The following ZFHX2 variants were observed in gnomAD, a reference collection of about 807,000 sequenced individuals.
ZFHX2 encodes zinc finger homeobox protein 2.
ZFHX2 carries 75 observed loss-of-function variants against 164.8 expected under a neutral mutation model. The ratio of observed to expected loss-of-function variants is 0.46; its 90% CI spans 0.38 to 0.55. ZFHX2 has a LOEUF of 0.55. Ranked by LOEUF, ZFHX2 falls within the 20% of genes least tolerant of loss-of-function variation. The pLI is 0.00. For synonymous variants in ZFHX2, 1,217 were observed against 1,351.4 expected, an observed-to-expected ratio of 0.90 and a Z score of 2.18; for missense variants, 2,933 against 3,308.0, an observed-to-expected ratio of 0.89 and a Z score of 2.78.
At chr14:23,548,785 C>T (rs1213859686) in intron 1 of ZFHX2, among the ~76,000 whole-genome samples, 1 of 152,216 alleles carries the variant, frequency 6.6e-6, no homozygotes, top group Non-Finnish European at 1.5e-5. Flanking sequence ...GCATTTCTCT[C>T]TTCTGGGGCT....
chr14:23,534,786 G>C lies in ZFHX2; in HGVS notation c.540C>G (p.Gly180=). The change falls in exon 2 of 10, where the codon GGC becomes GGG. Residue 180 remains glycine (G), a synonymous_variant. Transcript: ENST00000419474. This position sits in a 1 kb window ranked among gnomAD's most constrained non-coding sequence, Gnocchi z 4.5. ...HIQHGFDPIQ[G]FSSSDQILSH... is the part of the protein sequence containing the mutation. Reference sequence around the variant, plus strand: ...ACAGAATTTGGTCAGAAGAGCTAAAGCCTTGGATTGGGTCAAAGCCATGTT... The same window carrying C: ...ACAGAATTTGGTCAGAAGAGCTAAACCCTTGGATTGGGTCAAAGCCATGTT... 1 of 1,536,224 alleles carries C rather than the reference G, an allele frequency of 6.5e-7. No individual in the cohort carries two copies. Among genetic ancestry groups the C allele is most frequent in the Non-Finnish European group, 8.7e-7 (1 of 1,146,910 alleles).
At position 23,535,026 on chromosome 14, in the gene ZFHX2, C is replaced by T; in HGVS notation, c.300G>A (p.Glu100=). The stretch of plus-strand genomic sequence containing the variant: ...CCATGGGAGGGAGCCCTTCTTCTTC[C>T]TCCTCCTGCTCCTTGTCCTTTTCCA... ...PGVEKDKEQE[E]EEEGLPPMDL... is the part of the protein sequence containing the mutation. The change falls in exon 2 of 10, where the codon GAG becomes GAA. Residue 100 remains glutamate (E), a synonymous_variant. Coordinates refer to ENST00000419474, the MANE Select transcript of ZFHX2 (RefSeq NM_033400.3). This position sits in a 1 kb window ranked among gnomAD's most constrained non-coding sequence, Gnocchi z 4.5. 1 of 1,536,134 alleles carries T rather than the reference C, an allele frequency of 6.5e-7. No individual in the cohort carries two copies. Among genetic ancestry groups the T allele is most frequent in the African/African-American group, 1.4e-5 (1 of 73,166 alleles).
At chr14:23,539,418 C>T (rs980382160) in intron 1 of ZFHX2, among the ~76,000 whole-genome samples, 13 of 151,978 alleles carry the variant, frequency 8.6e-5, no homozygotes, top group Admixed American at 4.6e-4. Context: ...AGAAAGCTGC[C>T]GAGAGAGAAA....
At chr14:23,555,510 G>A (rs1357694478), upstream of ZFHX2, among the ~76,000 whole-genome samples, 1 of 152,098 alleles carries the variant, frequency 6.6e-6, no homozygotes, top group African/African-American at 2.4e-5. Context: ...GTCTCCAACT[G>A]TTGAAATACC....
At chr14:23,540,449 G>A (rs571856407) in intron 1 of ZFHX2, among the ~76,000 whole-genome samples, 3 of 151,892 alleles carry the variant, frequency 2.0e-5, no homozygotes, top group Non-Finnish European at 4.4e-5. Context: ...TCCCCTTTTT[G>A]TCTCAACCTG....
rs943661483 is a variant in ZFHX2, at chr14:23,525,433, G to A, written c.4509C>T (p.His1503=). 3.1e-5 allele frequency: 47 copies of A among 1,536,178 alleles called. No homozygotes were observed. In the East Asian group the frequency reaches 1.1e-3, roughly 37 times the overall value. Residue 1503 remains histidine, a synonymous_variant, in exon 9 of 10, where the codon CAC becomes CAT. Coordinates refer to ENST00000419474, the MANE Select transcript of ZFHX2 (RefSeq NM_033400.3). This position sits in a 1 kb window ranked among gnomAD's most constrained non-coding sequence, Gnocchi z 5.9. ...LILKTHEEHV[H]RRFLPFEALS... ...GGGCTTCAAAGGGCAGAAAGCGGCG[G>A]TGGACATGTTCCTCGTGTGTCTTGA...
Position 23,534,786 on chromosome 14 carries a change from G to A in ZFHX2, c.540C>T (p.Gly180=), listed in dbSNP as rs1227847161. 2.8e-5 allele frequency: 43 copies of A among 1,536,106 alleles called. No homozygotes were observed. Among genetic ancestry groups the A allele is most frequent in the Non-Finnish European group, 3.7e-5 (43 of 1,146,918 alleles). ...ACAGAATTTGGTCAGAAGAGCTAAA[G>A]CCTTGGATTGGGTCAAAGCCATGTT... is the stretch of plus-strand genomic sequence containing the variant. ...HIQHGFDPIQ[G]FSSSDQILSH... The change falls in exon 2 of 10, where the codon GGC becomes GGT. Residue 180 remains glycine (G), a synonymous_variant. Transcript: ENST00000419474. The surrounding 1 kb of genome is among the most constrained non-coding windows in gnomAD (Gnocchi z 4.5).
intron 4 of ZFHX2, chr14:23,530,446 A>G: frequency 1.5e-6 from 1 of 665,402 alleles, no homozygotes; most frequent in Admixed American, 2.1e-5. Context: ...CCTTTTATAG[A>G]AGTCCAGCAG....
In ZFHX2 at chr14:23,534,131, C is replaced by G. The variant is rs1444616448; in HGVS notation, c.1195G>C (p.Gly399Arg). Residue 399 changes from glycine to arginine, a missense_variant, in exon 2 of 10, where the codon GGG (glycine) becomes CGG (arginine). Transcript: ENST00000419474. The surrounding 1 kb of genome is among the most constrained non-coding windows in gnomAD (Gnocchi z 4.5). Reference sequence around the variant, plus strand: ...CCCACTGGGGCAGGGAGAGTGCCCCCCTCCTTGGAGGTGGGTGAGCTTTGG... The same window carrying G: ...CCCACTGGGGCAGGGAGAGTGCCCCGCTCCTTGGAGGTGGGTGAGCTTTGG... ...LNQSSPTSKE[G>R]GTLPAPVGSP... 6.8e-7 allele frequency: 1 copy of G among 1,479,104 alleles called. No individual in the cohort carries two copies. The highest frequency in any genetic ancestry group is 1.4e-5 in the African/African-American group (1 of 71,520). 91.6% of individuals were successfully genotyped at this position (1,479,104 alleles called of 1,614,324 possible).
Position 23,533,462 on chromosome 14 carries a change from C to G in ZFHX2, c.1864G>C (p.Gly622Arg). 1 of 1,535,046 alleles carries G rather than the reference C, an allele frequency of 6.5e-7. No homozygotes were observed. Among genetic ancestry groups the G allele is most frequent in the South Asian group, 1.2e-5 (1 of 84,030 alleles). ...TCAGGGGGGCTAGTGGGGGTAGCCC[C>G]TGGTGGGGGAGGAGGGCCTGGCCCC... is the stretch of plus-strand genomic sequence containing the variant. Reference protein sequence around the residue: ...LMGPGPPPPPGATPTSPPELF... With the variant: ...LMGPGPPPPPRATPTSPPELF... The change falls in exon 2 of 10, where the codon GGG (glycine) becomes CGG (arginine). Residue 622 changes from glycine to arginine, a missense_variant. Gly to Arg is a moderately radical substitution (Grantham distance 125). Transcript: ENST00000419474. This position sits in a 1 kb window ranked among gnomAD's most constrained non-coding sequence, Gnocchi z 4.8.
intron 1 of ZFHX2, among the ~76,000 whole-genome samples, chr14:23,549,599 T>C (rs113678135): frequency 0.012 from 1,788 of 151,704 alleles, 43 homozygotes; most frequent in African/African-American, 0.041. Context: ...AGGAAGAAGA[T>C]GAACTAAAAA....
chr14:23,522,151 T>G lies in ZFHX2; in HGVS notation c.7530A>C (p.Leu2510=), dbSNP rs765229614. The change falls in exon 10 of 10, where the codon CTA becomes CTC. Residue 2510 remains leucine, a synonymous_variant. Transcript: ENST00000419474. ...GGGCCGAGGAGCGCAGGTGGGAGGC[T>G]AGGGCTTCACGCCCACTCAGCAGCA... ...CEVLLSGREA[L]ASHLRSSAHR... is the part of the protein sequence containing the mutation. 4 of 1,515,562 alleles carry G rather than the reference T, an allele frequency of 2.6e-6. No homozygotes were observed. In the South Asian group the frequency reaches 5.0e-5, roughly 19 times the overall value. The allele number at this position is 1,515,562 out of a possible 1,614,324, so 93.9% of individuals were successfully genotyped here. A position where few individuals can be genotyped will look rare whatever the true frequency, so the allele number is the denominator to read the frequency against.
chr14:23,534,851 C>A lies in ZFHX2; in HGVS notation c.475G>T (p.Ala159Ser). 6.5e-7 allele frequency: 1 copy of A among 1,536,084 alleles called. No individual in the cohort carries two copies. Residue 159 changes from alanine to serine, a missense_variant, in exon 2 of 10, where the codon GCC becomes TCC. By Grantham distance (99) the Ala-to-Ser change is moderately conservative. Transcript: ENST00000419474. The surrounding 1 kb of genome is among the most constrained non-coding windows in gnomAD (Gnocchi z 4.5). ...GTGAGGTGTGAGGGGGGTGGGTAGG[C>A]AAGGAAGGGCAGACTGGGCTCTTCC... ...IKEEPSLPFL[A>S]YPPPSHLTAL...
At position 23,523,778 on chromosome 14, in the gene ZFHX2, C is replaced by A; in HGVS notation, c.6164G>T (p.Gly2055Val). The A allele has an allele frequency of 6.5e-7, 1 of 1,536,218 alleles. No individual in the cohort carries two copies. Among genetic ancestry groups the A allele is most frequent in the Non-Finnish European group, 8.7e-7 (1 of 1,146,918 alleles). ...CATTCCATCTGGAACCCCAGTCCCA[C>A]CTCCAGGTCCCCCACTGGTCCCTCC... Reference protein sequence around the residue: ...GAGGTSGGPGGGTGVPDGMGQ... With the variant: ...GAGGTSGGPGVGTGVPDGMGQ... The change falls in exon 9 of 10, where the codon GGT (glycine) becomes GTT (valine). Residue 2055 changes from glycine (G) to valine (V), a missense_variant. By Grantham distance (109) the Gly-to-Val change is moderately radical. Transcript: ENST00000419474. This position sits in a 1 kb window ranked among gnomAD's most constrained non-coding sequence, Gnocchi z 4.1.
intron 4 of ZFHX2, 65 bp from the exon 5 acceptor site, chr14:23,530,259 C>G: frequency 8.1e-7 from 1 of 1,231,990 alleles, no homozygotes; most frequent in African/African-American, 1.5e-5. Flanking sequence ...GGACATAGGA[C>G]AGAGGAAGCA....
chr14:23,549,471 T>C, intron 1 of ZFHX2, among the ~76,000 whole-genome samples: 1 of 152,284 alleles, frequency 6.6e-6, no homozygotes, highest in East Asian at 1.9e-4. Flanking sequence ...CCACCCTTAC[T>C]GTTCTTCAGG....
In ZFHX2 at chr14:23,535,196, C is replaced by G; in HGVS notation, c.130G>C (p.Ala44Pro). ...SDPVTKDPPA[A>P]SSTSENMRSS... Reference sequence around the variant, plus strand: ...CTCATGTTCTCAGAGGTGGAGGAGGCAGCAGGGGGATCTTTGGTGACAGGA... The same window carrying G: ...CTCATGTTCTCAGAGGTGGAGGAGGGAGCAGGGGGATCTTTGGTGACAGGA... The change falls in exon 2 of 10, where the codon GCC becomes CCC. Residue 44 changes from alanine (A) to proline (P), a missense_variant. Physicochemically the swap from Ala to Pro is conservative, Grantham distance 27 (BLOSUM62 -1). Coordinates refer to ENST00000419474, the MANE Select transcript of ZFHX2 (RefSeq NM_033400.3). The surrounding 1 kb of genome is among the most constrained non-coding windows in gnomAD (Gnocchi z 4.5). The G allele has an allele frequency of 6.5e-7, 1 of 1,530,006 alleles. No homozygotes were observed. The highest frequency in any genetic ancestry group is 8.8e-7 in the Non-Finnish European group (1 of 1,141,802). 94.8% of individuals were successfully genotyped at this position (1,530,006 alleles called of 1,614,324 possible).
chr14:23,544,721 G>T (rs1881200695), intron 1 of ZFHX2, among the ~76,000 whole-genome samples: 1 of 152,164 alleles, frequency 6.6e-6, no homozygotes, highest in African/African-American at 2.4e-5. Context: ...CACTCTCGCT[G>T]CCTCTAATGG....
chr14:23,522,152 A>G lies in ZFHX2; in HGVS notation c.7529T>C (p.Leu2510Pro). Residue 2510 changes from leucine to proline, a missense_variant, in exon 10 of 10, where the codon CTA becomes CCA. By Grantham distance (98) the Leu-to-Pro change is moderately conservative (BLOSUM62 -3). Transcript: ENST00000419474. ...GGCCGAGGAGCGCAGGTGGGAGGCT[A>G]GGGCTTCACGCCCACTCAGCAGCAC... ...CEVLLSGREALASHLRSSAHR... is the reference protein window; with the variant it reads ...CEVLLSGREAPASHLRSSAHR... 1.3e-6 allele frequency: 2 copies of G among 1,514,576 alleles called. No individual in the cohort carries two copies. The highest frequency in any genetic ancestry group is 1.8e-6 in the Non-Finnish European group (2 of 1,136,250). 93.8% of individuals were successfully genotyped at this position (1,514,576 alleles called of 1,614,324 possible). A position where few individuals can be genotyped will look rare whatever the true frequency, so the allele number is the denominator to read the frequency against.
Sources: gnomAD v4.1 joint callset for allele counts (sites outside exome capture counted in the v4.1 genomes callset) on GRCh38, gnomAD v4.1.1 for gene constraint, Gnocchi (gnomAD v3.1) non-coding constraint, MANE v1.5 for transcripts, NCBI Gene and HGNC (gene_info 2026-07-23, HGNC 2026-07-21) for gene names.